Variants in SULF2 observed in about 807,000 individuals in gnomAD.
The protein encoded by SULF2 is extracellular sulfatase Sulf-2.
A neutral mutation model predicts 107.7 loss-of-function variants in SULF2; 52 were observed. That is an observed-to-expected ratio of 0.48 (90% CI 0.39 to 0.61). The LOEUF (loss-of-function observed/expected upper bound fraction) is 0.61. Ranked by LOEUF, SULF2 falls within the 20% of genes least tolerant of loss-of-function variation. SULF2 has a pLI of 0.00. For synonymous variants in SULF2, 460 were observed against 464.3 expected (o/e 0.99, Z 0.12); for missense variants, 993 against 1,177.3 (o/e 0.84, Z 2.29).
chr20:47,781,819 G>A (rs1600703448), intron 1 of SULF2, among the ~76,000 whole-genome samples: 3 of 152,290 alleles, frequency 2.0e-5, no homozygotes, highest in African/African-American at 7.2e-5. Context: ...GAGCCAGGCA[G>A]TCTGGCTCTC....
chr20:47,676,302 G>A (rs2087637884), intron 10 of SULF2, among the ~76,000 whole-genome samples, 192 bp downstream of exon 10: 1 of 152,236 alleles, frequency 6.6e-6, no homozygotes, highest in Non-Finnish European at 1.5e-5. Context: ...TCCAAAGGCT[G>A]CTGAGAAATG....
At chr20:47,772,593 A>G (rs2090651933) in intron 1 of SULF2, among the ~76,000 whole-genome samples, 1 of 152,154 alleles carries the variant, frequency 6.6e-6, no homozygotes, top group African/African-American at 2.4e-5. Flanking sequence ...GAAAAGGAAA[A>G]GGGGAAAAAG....
intron 1 of SULF2, among the ~76,000 whole-genome samples, chr20:47,776,398 G>A (rs1226211396): frequency 6.6e-6 from 1 of 152,150 alleles, no homozygotes; most frequent in African/African-American, 2.4e-5. Flanking sequence ...TTGTAAAACG[G>A]GGTTGGAAGA....
At chr20:47,782,734 T>C (rs945919551) in intron 1 of SULF2, among the ~76,000 whole-genome samples, 10 of 152,226 alleles carry the variant, frequency 6.6e-5, no homozygotes, top group African/African-American at 1.2e-4. Context: ...GAGGGGACAG[T>C]GTGTCTGCTC....
intron 3 of SULF2, among the ~76,000 whole-genome samples, chr20:47,717,137 A>C (rs572432973): frequency 6.6e-6 from 1 of 152,332 alleles, no homozygotes; most frequent in African/African-American, 2.4e-5. Context: ...TGACGGTAAA[A>C]AGGTAAACAG....
At chr20:47,679,327 C>G (rs1011466233) in intron 7 of SULF2, among the ~76,000 whole-genome samples, 5 of 152,144 alleles carry the variant, frequency 3.3e-5, no homozygotes, top group Non-Finnish European at 5.9e-5. Context: ...AGGCCCGTGA[C>G]AGGCCTCAGT....
intron 1 of SULF2, among the ~76,000 whole-genome samples, chr20:47,763,236 G>A (rs768654304): frequency 1.3e-5 from 2 of 152,162 alleles, no homozygotes; most frequent in East Asian, 3.8e-4. Flanking sequence ...AGGCTCGCCA[G>A]CCCAGGAGAC....
Position 47,690,108 on chromosome 20 carries a change from C to A in SULF2, c.737+18G>T. 7.2e-7 allele frequency: 1 copy of A among 1,397,996 alleles called. No individual in the cohort carries two copies. Among genetic ancestry groups the A allele is most frequent in the Non-Finnish European group, 9.4e-7 (1 of 1,061,880 alleles). The allele number at this position is 1,397,996 out of a possible 1,614,324, so 86.6% of individuals were successfully genotyped here. A position where few individuals can be genotyped will look rare whatever the true frequency, so the allele number is the denominator to read the frequency against. The stretch of plus-strand genomic sequence containing the variant: ...CATGCTAAGCAGTGCCTCTGGCAGG[C>A]AGAGTGCTGAGGCTTACATGTGCTG... On this transcript the variant is annotated intron_variant, in intron 5 of 20. Transcript: ENST00000688720.
At chr20:47,771,983 T>C (rs1360625134) in intron 1 of SULF2, among the ~76,000 whole-genome samples, 1 of 152,194 alleles carries the variant, frequency 6.6e-6, no homozygotes, top group East Asian at 1.9e-4. Context: ...TTGAGGCAAA[T>C]GGTACAGCCT....
chr20:47,727,806 G>T (rs1217206046), intron 3 of SULF2, among the ~76,000 whole-genome samples: 1 of 152,198 alleles, frequency 6.6e-6, no homozygotes, highest in Non-Finnish European at 1.5e-5. Flanking sequence ...CTCAGCTCAA[G>T]GTCACAAGGG....
At chr20:47,768,419 T>C (rs1217724715) in intron 1 of SULF2, among the ~76,000 whole-genome samples, 2 of 152,374 alleles carry the variant, frequency 1.3e-5, no homozygotes, top group South Asian at 2.1e-4. Context: ...TGAAATTCCC[T>C]TTTTTCAATT....
Position 47,680,621 on chromosome 20 carries a change from G to A in SULF2, c.1065-1817C>T, listed in dbSNP as rs948643221. ...CAGTCCAGTGCCCTGTGAACGTCGG[G>A]CAGGCTGCCAAGCATGTGTGCAGCT... is the stretch of plus-strand genomic sequence containing the variant. On this transcript the variant is annotated intron_variant, in intron 7 of 20. Transcript: ENST00000688720. This position sits in a 1 kb window ranked among gnomAD's most constrained non-coding sequence, Gnocchi z 4.2. 4.6e-5 allele frequency among the ~76,000 whole-genome samples: 7 copies of A among 152,230 alleles called. No homozygotes were observed. The highest frequency in any genetic ancestry group is 1.0e-4 in the Non-Finnish European group (7 of 68,036).
At chr20:47,720,698 TG>T (rs1296081539) in intron 3 of SULF2, among the ~76,000 whole-genome samples, 2 of 152,132 alleles carry the variant, frequency 1.3e-5, no homozygotes, top group East Asian at 1.9e-4. Flanking sequence ...GATCCATATT[TG>T]GCCCCCAGGG....
intron 3 of SULF2, among the ~76,000 whole-genome samples, chr20:47,721,276 G>C (rs2089289420): frequency 6.6e-6 from 1 of 152,142 alleles, no homozygotes; most frequent in Admixed American, 6.5e-5. Flanking sequence ...GTGGGGTCAT[G>C]ATTCCGCACG....
At chr20:47,753,094 CTCTCA>C (rs1358979411) in intron 2 of SULF2, among the ~76,000 whole-genome samples, 1 of 59,812 alleles carries the variant, frequency 1.7e-5, no homozygotes, top group Non-Finnish European at 3.3e-5. Flanking sequence ...GAGTGAGACT[CTCTCA>C]AAAAAAAAAA....
At chr20:47,777,292 A>C (rs1457030073) in intron 1 of SULF2, among the ~76,000 whole-genome samples, 6 of 152,170 alleles carry the variant, frequency 3.9e-5, no homozygotes, top group Non-Finnish European at 7.3e-5. Flanking sequence ...GGACCAATGA[A>C]ACAGAAAGCA....
At chr20:47,664,319 T>G in intron 14 of SULF2, 130 bp from the exon 15 acceptor site, 1 of 902,196 alleles carries the variant, frequency 1.1e-6, no homozygotes, top group Admixed American at 2.2e-5. Context: ...TCTGGGGTGG[T>G]GGTGGGTAGG....
chr20:47,739,940 C>T (rs2089838024), intron 2 of SULF2, among the ~76,000 whole-genome samples: 1 of 152,142 alleles, frequency 6.6e-6, no homozygotes, highest in South Asian at 2.1e-4. Flanking sequence ...CTCCAGTTTG[C>T]CACACTCCCC....
intron 5 of SULF2, among the ~76,000 whole-genome samples, chr20:47,687,213 T>C (rs2088036756): frequency 6.6e-6 from 1 of 151,938 alleles, no homozygotes; most frequent in Non-Finnish European, 1.5e-5. Context: ...GAGAGCGCTT[T>C]TGGAGAAGGA....
Sources: allele counts gnomAD v4.1 joint callset (sites outside exome capture counted in the v4.1 genomes callset), GRCh38; gene constraint gnomAD v4.1.1; non-coding constraint Gnocchi (gnomAD v3.1); transcripts MANE v1.5; gene names NCBI Gene and HGNC (gene_info 2026-07-23, HGNC 2026-07-21).